Variants in GRIN2B observed in about 807,000 individuals in gnomAD.
The protein encoded by GRIN2B is glutamate receptor ionotropic, NMDA 2B.
A neutral mutation model predicts 114.5 loss-of-function variants in GRIN2B; 5 were observed. The observed-to-expected ratio is 0.04, with a 90% CI of 0.02 to 0.09. The LOEUF is 0.09. GRIN2B is among the 10% of genes least tolerant of loss of function. The pLI is 1.00. For synonymous variants in GRIN2B, 787 were observed against 745.1 expected, an observed-to-expected ratio of 1.06 and a Z score of -0.92; for missense variants, 1,108 against 1,943.5, an observed-to-expected ratio of 0.57 and a Z score of 8.08.
intron 5 of GRIN2B, among the ~76,000 whole-genome samples, chr12:13,672,882 T>C (rs1370233275): frequency 2.6e-5 from 4 of 152,156 alleles, no homozygotes; most frequent in Non-Finnish European, 5.9e-5. Flanking sequence ...AGCTACCGTA[T>C]CAAGGGCAAC....
At chr12:13,715,909 A>G (rs1160514594) in intron 4 of GRIN2B, among the ~76,000 whole-genome samples, 1 of 151,946 alleles carries the variant, frequency 6.6e-6, no homozygotes, top group Non-Finnish European at 1.5e-5. Flanking sequence ...GTAGAATTTT[A>G]TCTCTATGGG....
At position 13,564,580 on chromosome 12, in the gene GRIN2B, G is replaced by A. The variant is rs755511615; in HGVS notation, c.2658C>T (p.Ser886=). 5 of 1,613,918 alleles carry A rather than the reference G, an allele frequency of 3.1e-6. No individual in the cohort carries two copies. The South Asian group carries it at 5.5e-5, about 18-fold the overall frequency. ...AIEERQSVMN[S]PTATMNNTHS... ...GTGTGTTGTTCATGGTTGCGGTGGG[G>A]GAGTTCATTACAGACTGGCGCTCCT... Residue 886 remains serine, a synonymous_variant, in exon 14 of 14, where the codon TCC becomes TCT. Transcript: ENST00000609686. The surrounding 1 kb of genome is among the most constrained non-coding windows in gnomAD (Gnocchi z 4.8).
chr12:13,949,960 C>G (rs988599881), intron 2 of GRIN2B, among the ~76,000 whole-genome samples: 1 of 151,968 alleles, frequency 6.6e-6, no homozygotes, highest in Non-Finnish European at 1.5e-5. Flanking sequence ...AAGAGAGCAA[C>G]AAAAAGTAGT....
intron 4 of GRIN2B, among the ~76,000 whole-genome samples, chr12:13,692,709 A>T (rs1950224379): frequency 6.7e-6 from 1 of 148,254 alleles, no homozygotes. Flanking sequence ...GAGACCCTGA[A>T]CTCGAATAGT....
intron 10 of GRIN2B, among the ~76,000 whole-genome samples, chr12:13,607,342 TAATATATAAAA>T (rs1179360184): frequency 5.9e-5 from 3 of 50,468 alleles, no homozygotes; most frequent in Admixed American, 4.1e-4. Context: ...ATATTATATA[TAATATATAAAA>T]TATATAATAT....
In GRIN2B at chr12:13,882,421, T is replaced by A. The variant is rs945356094; in HGVS notation, c.-18-16195A>T. ...GTAAGCCATAACAAACAAATAAAAA[T>A]TTTTTTTTCAAAATTGGCAAATATG... On this transcript the variant is annotated intron_variant, in intron 2 of 13. Transcript: ENST00000609686. 2.6e-5 allele frequency among the ~76,000 whole-genome samples: 4 copies of A among 151,792 alleles called. No homozygotes were observed. In the South Asian group the frequency reaches 6.2e-4, roughly 24 times the overall value.
chr12:13,662,767 G>A (rs1808397769), intron 5 of GRIN2B, among the ~76,000 whole-genome samples: 1 of 152,178 alleles, frequency 6.6e-6, no homozygotes, highest in Admixed American at 6.5e-5. Flanking sequence ...AGGTAATTAA[G>A]AATCTTCTGG....
chr12:13,909,265 T>C (rs921623932), intron 2 of GRIN2B, among the ~76,000 whole-genome samples: 1 of 152,170 alleles, frequency 6.6e-6, no homozygotes, highest in African/African-American at 2.4e-5. Context: ...GGACTGGTTG[T>C]GAGAATAACC....
chr12:13,801,200 C>T (rs573568746), intron 3 of GRIN2B, among the ~76,000 whole-genome samples: 5 of 152,246 alleles, frequency 3.3e-5, no homozygotes, highest in South Asian at 2.1e-4. Context: ...GAGGACAGTA[C>T]GTGATCATTA....
intron 4 of GRIN2B, among the ~76,000 whole-genome samples, chr12:13,686,681 T>G (rs973624868): frequency 6.6e-6 from 1 of 152,142 alleles, no homozygotes; most frequent in African/African-American, 2.4e-5. Context: ...TGACCCTATT[T>G]CCTCCCCAGA....
At chr12:13,614,530 T>A (rs1163839310) in intron 8 of GRIN2B, among the ~76,000 whole-genome samples, 1 of 152,072 alleles carries the variant, frequency 6.6e-6, no homozygotes, top group African/African-American at 2.4e-5. Context: ...CTGAGATTTT[T>A]GACATTTAAG....
chr12:13,756,031 T>A (rs1479452859), intron 3 of GRIN2B, among the ~76,000 whole-genome samples: 7 of 151,910 alleles, frequency 4.6e-5, no homozygotes, highest in Admixed American at 6.5e-5. Flanking sequence ...CTGTTCTTTT[T>A]TATCCCCCCA....
chr12:13,756,801 G>T (rs1408014471), intron 3 of GRIN2B, among the ~76,000 whole-genome samples: 1 of 152,160 alleles, frequency 6.6e-6, no homozygotes, highest in African/African-American at 2.4e-5. Flanking sequence ...AGCCACGGGG[G>T]TCCATAGTAA....
chr12:13,754,028 T>C, intron 3 of GRIN2B, 113 bp from the exon 4 acceptor site: 1 of 674,358 alleles, frequency 1.5e-6, no homozygotes, highest in Non-Finnish European at 2.7e-6. Context: ...CTTATTTTTA[T>C]ATAATGCCTT....
chr12:13,919,263 A>C (rs1228036799), intron 2 of GRIN2B, among the ~76,000 whole-genome samples: 1 of 152,222 alleles, frequency 6.6e-6, no homozygotes, highest in Non-Finnish European at 1.5e-5. Flanking sequence ...AATCTAGTTT[A>C]TACTTTATGG....
intron 4 of GRIN2B, among the ~76,000 whole-genome samples, chr12:13,708,415 C>A (rs541577751): frequency 6.6e-6 from 1 of 151,926 alleles, no homozygotes; most frequent in Middle Eastern, 3.2e-3. Flanking sequence ...TTTTTCCATA[C>A]GAAGATCATT....
chr12:13,830,279 C>A (rs2136702201), intron 3 of GRIN2B, among the ~76,000 whole-genome samples: 1 of 152,316 alleles, frequency 6.6e-6, no homozygotes, highest in South Asian at 2.1e-4. Flanking sequence ...TGTTAGTACA[C>A]AGACTCTTTC....
At chr12:13,981,615 G>A (rs1435411446), upstream of GRIN2B, 1 of 150,290 alleles carries the variant, frequency 6.7e-6, no homozygotes, top group Non-Finnish European at 1.5e-5. Context: ...TTTTTGAAAG[G>A]GGGTGGGGGG....
intron 4 of GRIN2B, among the ~76,000 whole-genome samples, chr12:13,697,694 C>A (rs1362103134): frequency 1.1e-5 from 1 of 92,626 alleles, no homozygotes; most frequent in African/African-American, 4.0e-5. Flanking sequence ...AGCAATATAA[C>A]CTCATCCATT....
Sources: allele counts gnomAD v4.1 joint callset (sites outside exome capture counted in the v4.1 genomes callset), GRCh38; gene constraint gnomAD v4.1.1; non-coding constraint Gnocchi (gnomAD v3.1); transcripts MANE v1.5; gene names NCBI Gene and HGNC (gene_info 2026-07-23, HGNC 2026-07-21).